ANKFN1: variants seen among roughly 807,000 people sequenced by gnomAD.
ANKFN1 encodes the protein ankyrin repeat and fibronectin type III domain containing 1.
In ANKFN1, 74 loss-of-function variants were observed where a neutral mutation model predicts 108.7. That is an observed-to-expected ratio of 0.68 (90% CI 0.56 to 0.83). The LOEUF is 0.83. Ranked by LOEUF, ANKFN1 falls within the 40% of genes least tolerant of loss-of-function variation. The pLI is 0.00. For missense variants in ANKFN1, 1,505 were observed against 1,382.3 expected (o/e 1.09, Z -1.41); for synonymous variants, 547 against 516.2 (o/e 1.06, Z -0.81).
intron 4 of ANKFN1, among the ~76,000 whole-genome samples, chr17:56,121,540 G>A (rs1906621003): frequency 6.6e-6 from 1 of 151,920 alleles, no homozygotes; most frequent in African/African-American, 2.4e-5. Flanking sequence ...GCTCTCTTGT[G>A]TGTGATTCAG....
chr17:56,477,549 A>G lies in ANKFN1; in HGVS notation c.1835A>G (p.Tyr612Cys), dbSNP rs142597916. ...CTCTTTCCTGGATTATATCTGGGTT[A>G]CCTAAAGCTCTGTAGCTCTGTGGAT... ...QRLFPGLYLG[Y>C]LKLCSSVDQI... Residue 612 changes from tyrosine to cysteine, a missense_variant, in exon 16 of 21, where the codon TAC becomes TGC. Transcript: ENST00000682825. 2.5e-6 allele frequency: 4 copies of G among 1,612,558 alleles called. No individual in the cohort carries two copies. The African/African-American group carries it at 4.0e-5, about 16-fold the overall frequency.
chr17:56,372,981 G>T, intron 7 of ANKFN1, 141 bp downstream of exon 7: 1 of 841,176 alleles, frequency 1.2e-6, no homozygotes. Flanking sequence ...CAAGGGCTCT[G>T]AGAGGCTGTC....
At chr17:56,435,070 G>C (rs918738501) in intron 8 of ANKFN1, among the ~76,000 whole-genome samples, 1 of 152,148 alleles carries the variant, frequency 6.6e-6, no homozygotes, top group Non-Finnish European at 1.5e-5. Context: ...CTGAAGGCCA[G>C]TTATTAATCT....
rs1443644714 is a variant in ANKFN1 at position 56,513,437 on chromosome 17, C to T, written c.*2168C>T. 6.6e-6 allele frequency among the ~76,000 whole-genome samples: 1 copy of T among 152,172 alleles called. No homozygotes were observed. Among genetic ancestry groups the T allele is most frequent in the East Asian group, 1.9e-4 (1 of 5,192 alleles). On this transcript the variant is annotated 3_prime_UTR_variant, in exon 21 of 21. Transcript: ENST00000682825. ...ATAACAAGAATGGCAGAGTCATTTG[C>T]ACTCAGTTTCTACTTATTTCTAATT...
intron 3 of ANKFN1, among the ~76,000 whole-genome samples, chr17:56,250,998 G>A (rs757009972): frequency 6.6e-6 from 1 of 152,072 alleles, no homozygotes; most frequent in African/African-American, 2.4e-5. Flanking sequence ...AAGCTAAATT[G>A]TATTTAGTCA....
intron 4 of ANKFN1, among the ~76,000 whole-genome samples, chr17:56,055,248 G>T (rs1375489155): frequency 6.6e-6 from 1 of 151,714 alleles, no homozygotes; most frequent in African/African-American, 2.4e-5. Context: ...GTCCCTAGTG[G>T]TGTTCATTAT....
chr17:56,080,664 G>A (rs1043932439), intron 4 of ANKFN1, among the ~76,000 whole-genome samples: 5 of 152,180 alleles, frequency 3.3e-5, no homozygotes, highest in Non-Finnish European at 7.3e-5. Context: ...TTAACCATGT[G>A]GTAACTGAGG....
chr17:56,067,967 GC>G (rs1905079628), intron 4 of ANKFN1, among the ~76,000 whole-genome samples: 1 of 152,058 alleles, frequency 6.6e-6, no homozygotes, highest in South Asian at 2.1e-4. Flanking sequence ...CAAAGCCTTA[GC>G]CTATCATCTA....
rs551919493 is a variant in ANKFN1, at chr17:56,091,709, A to G, written c.288+45384A>G. 4.0e-5 allele frequency among the ~76,000 whole-genome samples: 6 copies of G among 151,662 alleles called. No individual in the cohort carries two copies. In the East Asian group the frequency reaches 1.2e-3, roughly 29 times the overall value. ...TAACGTTCAGATTTGAATTATTTCA[A>G]TCAAAGAGGGAGATGCTCAGGATTG... is the stretch of plus-strand genomic sequence containing the variant. On this transcript the variant is annotated intron_variant, in intron 4 of 12. Transcript: ENST00000635860.
At chr17:56,337,859 G>C (rs1156579421) in intron 4 of ANKFN1, among the ~76,000 whole-genome samples, 1 of 152,182 alleles carries the variant, frequency 6.6e-6, no homozygotes, top group African/African-American at 2.4e-5. Context: ...ATTGGTGGGA[G>C]TGTAAACTAG....
chr17:56,094,692 T>TC (rs1905496552), intron 4 of ANKFN1, among the ~76,000 whole-genome samples: 1 of 148,354 alleles, frequency 6.7e-6, no homozygotes, highest in African/African-American at 2.5e-5. Flanking sequence ...TTTTTTTTTT[T>TC]TGTATTTTTA....
In ANKFN1 at chr17:56,434,446, A is replaced by G. The variant is rs111982797; in HGVS notation, c.911-5881A>G. On this transcript the variant is annotated intron_variant, in intron 8 of 20. Transcript: ENST00000682825. ...AAAAAGCCTTTTGCCCTTAATTTAA[A>G]TCATTGTTTTTCTAGGGAAATTTAA... Among the ~76,000 whole-genome samples the G allele has an allele frequency of 1.1e-4, 16 of 152,176 alleles. 2 individuals carry two copies. The highest frequency in any genetic ancestry group is 3.8e-4 in the African/African-American group (16 of 41,560).
intron 1 of ANKFN1, among the ~76,000 whole-genome samples, chr17:56,176,207 G>A (rs2143597388): frequency 6.6e-6 from 1 of 152,182 alleles, no homozygotes; most frequent in African/African-American, 2.4e-5. Context: ...AGGCTAGGGA[G>A]TCAGGGACTG....
At chr17:56,269,820 T>C (rs1263495130) in intron 3 of ANKFN1, among the ~76,000 whole-genome samples, 1 of 152,184 alleles carries the variant, frequency 6.6e-6, no homozygotes, top group Non-Finnish European at 1.5e-5. Flanking sequence ...TGCACCGTGT[T>C]TGGGGCCCTC....
At chr17:56,427,162 G>T (rs1448206901) in intron 8 of ANKFN1, among the ~76,000 whole-genome samples, 1 of 152,128 alleles carries the variant, frequency 6.6e-6, no homozygotes, top group Non-Finnish European at 1.5e-5. Context: ...CTGAGGAACC[G>T]CTGCTACTTC....
intron 8 of ANKFN1, among the ~76,000 whole-genome samples, chr17:56,402,808 G>A (rs991569026): frequency 3.3e-5 from 5 of 151,904 alleles, no homozygotes; most frequent in Admixed American, 6.6e-5. Flanking sequence ...ATGTCAGTTC[G>A]TGCTCTTTTA....
At chr17:56,096,193 A>G (rs1271542322) in intron 4 of ANKFN1, among the ~76,000 whole-genome samples, 3 of 152,168 alleles carry the variant, frequency 2.0e-5, no homozygotes, top group Admixed American at 1.3e-4. Context: ...CTACGTTTCC[A>G]CAGGGCATAG....
intron 1 of ANKFN1, among the ~76,000 whole-genome samples, chr17:56,189,170 C>CATTTTT (rs1555607722): frequency 2.3e-5 from 2 of 85,264 alleles, no homozygotes. Context: ...GTTGCCCTGA[C>CATTTTT]TTTTTTTTTT....
chr17:56,499,020 T>A lies in ANKFN1; in HGVS notation c.2566T>A (p.Ser856Thr). Residue 856 changes from serine to threonine, a missense_variant, in exon 20 of 21, where the codon TCT becomes ACT. Transcript: ENST00000682825. ...SDEQSLKKINSTSSSHIDCLP... is the reference protein window; with the variant it reads ...SDEQSLKKINTTSSSHIDCLP... ...TGAGCAGAGCCTAAAGAAGATCAATTCTACATCATCATCACATATAGACTG... is the reference window on the plus strand; with the variant it reads ...TGAGCAGAGCCTAAAGAAGATCAATACTACATCATCATCACATATAGACTG... 2.0e-6 allele frequency: 3 copies of A among 1,535,730 alleles called. No individual in the cohort carries two copies. The highest frequency in any genetic ancestry group is 2.6e-6 in the Non-Finnish European group (3 of 1,146,654).
Sources: allele counts gnomAD v4.1 joint callset (sites outside exome capture counted in the v4.1 genomes callset), GRCh38; gene constraint gnomAD v4.1.1; transcripts MANE v1.5; gene names NCBI Gene and HGNC (gene_info 2026-07-23, HGNC 2026-07-21).